POLR2F: variants seen among roughly 807,000 people sequenced by gnomAD.
POLR2F encodes the protein DNA-directed RNA polymerases I, II, and III subunit RPABC2.
In POLR2F, 12 loss-of-function variants were observed where a neutral mutation model predicts 22.7. That is an observed-to-expected ratio of 0.53 (90% confidence interval 0.34 to 0.86). The LOEUF (loss-of-function observed/expected upper bound fraction) is 0.86. Ranked by LOEUF, POLR2F falls within the 40% of genes least tolerant of loss-of-function variation. The pLI is 0.02. For missense variants in POLR2F, 126 were observed against 171.5 expected (o/e 0.73, Z 1.48); for synonymous variants, 57 against 66.0 (o/e 0.86, Z 0.66).
intron 1 of POLR2F, among the ~76,000 whole-genome samples, chr22:38,008,731 G>A (rs2084845630): frequency 6.6e-6 from 1 of 151,500 alleles, no homozygotes; most frequent in Admixed American, 6.6e-5. Flanking sequence ...CCAGGCTTGC[G>A]CCTGTAATCC....
chr22:38,025,010 G>A (rs945437928), intron 1 of POLR2F, among the ~76,000 whole-genome samples: 19 of 152,074 alleles, frequency 1.2e-4, no homozygotes, highest in Non-Finnish European at 7.4e-5. Context: ...AAGCCAGGTG[G>A]AGCCAAGGCC....
chr22:37,963,893 G>T (rs1185782331), intron 3 of POLR2F, among the ~76,000 whole-genome samples: 1 of 152,138 alleles, frequency 6.6e-6, no homozygotes, highest in Non-Finnish European at 1.5e-5. Context: ...CCTGAGGTCA[G>T]GAGTTCGAGA....
At chr22:38,006,963 T>C (rs2084827029) in intron 1 of POLR2F, among the ~76,000 whole-genome samples, 1 of 152,158 alleles carries the variant, frequency 6.6e-6, no homozygotes, top group Admixed American at 6.5e-5. Flanking sequence ...TGTCTTCTTG[T>C]AGAGCTTCTG....
intron 3 of POLR2F, among the ~76,000 whole-genome samples, chr22:37,962,009 T>C (rs1931662542): frequency 6.6e-6 from 1 of 152,066 alleles, no homozygotes; most frequent in Non-Finnish European, 1.5e-5. Context: ...GGCAGGTGGA[T>C]TGCTTGAGCC....
intron 4 of POLR2F, 107 bp from the exon 5 acceptor site, chr22:37,967,518 T>A: frequency 6.6e-7 from 1 of 1,521,908 alleles, no homozygotes; most frequent in South Asian, 1.3e-5. Flanking sequence ...CCCAAGAGGC[T>A]GCTCCTAAGA....
At chr22:37,960,512 C>T (rs1387483030) in intron 3 of POLR2F, among the ~76,000 whole-genome samples, 6 of 152,208 alleles carry the variant, frequency 3.9e-5, no homozygotes, top group Admixed American at 3.9e-4. Flanking sequence ...CTTCTCCTGC[C>T]TCAGCCTCCA....
intron 4 of POLR2F, among the ~76,000 whole-genome samples, chr22:37,976,358 G>T (rs1932220156): frequency 6.6e-6 from 1 of 152,210 alleles, no homozygotes; most frequent in Admixed American, 6.5e-5. Flanking sequence ...ACCATGCCTA[G>T]CTTTGTTTCT....
intron 1 of POLR2F, among the ~76,000 whole-genome samples, chr22:37,954,710 G>T (rs371035615): frequency 6.6e-6 from 1 of 152,306 alleles, no homozygotes; most frequent in East Asian, 1.9e-4. Context: ...TTTAAAGATA[G>T]AGCCCAAAAA....
At chr22:38,041,498 A>T, downstream of POLR2F, 4 of 250,644 alleles carry the variant, frequency 1.6e-5, no homozygotes, top group Non-Finnish European at 3.1e-5. Flanking sequence ...CACCTAGCCA[A>T]GGTCAAGTAA....
At chr22:37,982,340 G>A (rs886789083), upstream of POLR2F, among the ~76,000 whole-genome samples, 2 of 152,132 alleles carry the variant, frequency 1.3e-5, no homozygotes, top group Admixed American at 6.5e-5. Context: ...GACTGCTACC[G>A]GCTCACATCT....
chr22:37,994,121 T>C (rs84770), intron 1 of POLR2F, among the ~76,000 whole-genome samples: 14 of 151,992 alleles, frequency 9.2e-5, no homozygotes, highest in Non-Finnish European at 2.1e-4. Context: ...TTTTGTCTTG[T>C]CTATAATCAA....
chr22:38,009,689 C>T (rs1343596676), intron 1 of POLR2F, among the ~76,000 whole-genome samples: 1 of 152,152 alleles, frequency 6.6e-6, no homozygotes, highest in Admixed American at 6.5e-5. Context: ...ACCCCACCCT[C>T]TCCCTAGGCA....
rs74676273 is a variant in POLR2F at position 37,959,714 on chromosome 22, C to T, written c.221+238C>T. ...GTCAAGTAACAATATGGGAGAAAAA[C>T]GATAAAAAAAAAAAAACAGAACTAG... On this transcript the variant is annotated intron_variant, in intron 3 of 4. Transcript: ENST00000442738. Among the ~76,000 whole-genome samples the T allele has an allele frequency of 6.2e-4, 53 of 85,398 alleles. 1 individual carries two copies. The highest frequency in any genetic ancestry group is 1.9e-3 in the African/African-American group (41 of 21,340). 56.0% of individuals were successfully genotyped at this position (85,398 alleles called of 152,430 possible). A position where few individuals can be genotyped will look rare whatever the true frequency, so the allele number is the denominator to read the frequency against.
At chr22:37,955,827 C>T (rs959222206) in intron 1 of POLR2F, among the ~76,000 whole-genome samples, 8 of 151,482 alleles carry the variant, frequency 5.3e-5, no homozygotes, top group African/African-American at 9.7e-5. Context: ...GGATTACAGG[C>T]GCCCACCACC....
downstream of POLR2F, among the ~76,000 whole-genome samples, chr22:37,971,640 G>A (rs527410697): frequency 4.6e-5 from 7 of 152,228 alleles, no homozygotes; most frequent in South Asian, 1.5e-3. Flanking sequence ...GCTAGATCCT[G>A]GCGTGGGCTG....
intron 1 of POLR2F, among the ~76,000 whole-genome samples, chr22:38,010,267 C>T (rs553811991): frequency 1.3e-5 from 2 of 151,770 alleles, no homozygotes; most frequent in Admixed American, 1.3e-4. Context: ...CCCAGCTACT[C>T]GGGAGGCTGA....
chr22:37,978,419 TTAGAAG>T lies in POLR2F; in HGVS notation c.293+11253_293+11258del, dbSNP rs1932292059. 6.6e-6 allele frequency among the ~76,000 whole-genome samples: 1 copy of T among 151,738 alleles called. No individual in the cohort carries two copies. The highest frequency in any genetic ancestry group is 2.1e-4 in the South Asian group (1 of 4,784). ...GCTCCTGGCAGCCCCTGAGGAGGAG[TTAGAAG>T]TAGGAGTAGAGGTTTCAAGGGGCAG... On this transcript the variant is annotated intron_variant, in intron 4 of 4. Transcript: ENST00000405557. The surrounding 1 kb of genome is among the most constrained non-coding windows in gnomAD (Gnocchi z 5.0).
At chr22:37,995,236 C>T (rs2084702362) in intron 1 of POLR2F, among the ~76,000 whole-genome samples, 1 of 152,174 alleles carries the variant, frequency 6.6e-6, no homozygotes, top group Non-Finnish European at 1.5e-5. Context: ...CTTTTGTTTC[C>T]CACCTTTTGT....
chr22:38,030,628 G>A (rs1235260894), downstream of POLR2F, among the ~76,000 whole-genome samples: 1 of 152,186 alleles, frequency 6.6e-6, no homozygotes, highest in Non-Finnish European at 1.5e-5. Flanking sequence ...CAAGCCCAGG[G>A]GACCGCCATG....
Sources: gnomAD v4.1 joint callset for allele counts (sites outside exome capture counted in the v4.1 genomes callset) on GRCh38, gnomAD v4.1.1 for gene constraint, Gnocchi (gnomAD v3.1) non-coding constraint, MANE v1.5 for transcripts, NCBI Gene and HGNC (gene_info 2026-07-23, HGNC 2026-07-21) for gene names.